Variants in FOXP1 observed in about 807,000 individuals in gnomAD.
FOXP1 encodes forkhead box P1.
FOXP1 carries 15 observed loss-of-function variants against 98.2 expected under a neutral mutation model. The ratio of observed to expected loss-of-function variants is 0.15; its 90% CI spans 0.10 to 0.24. FOXP1 has a LOEUF of 0.24. Ranked by LOEUF, FOXP1 falls within the 10% of genes least tolerant of loss-of-function variation. The pLI is 1.00. For synonymous variants in FOXP1, 371 were observed against 314.5 expected, an observed-to-expected ratio of 1.18 and a Z score of -1.90; for missense variants, 633 against 848.5, an observed-to-expected ratio of 0.75 and a Z score of 3.15.
At chr3:71,145,352 C>T (rs751730869) in intron 6 of FOXP1, among the ~76,000 whole-genome samples, 17 of 151,864 alleles carry the variant, frequency 1.1e-4, no homozygotes, top group Non-Finnish European at 2.2e-4. Context: ...GCCTGGCCAA[C>T]ATAGTGAAGC....
chr3:71,581,783 T>C, intron 1 of FOXP1, 86 bp from the exon 2 acceptor site: 1 of 985,380 alleles, frequency 1.0e-6, no homozygotes, highest in Non-Finnish European at 1.2e-6. Context: ...GACGGGTGAG[T>C]AGGCCGAGGG....
chr3:71,110,279 A>C (rs1371698045), intron 7 of FOXP1, among the ~76,000 whole-genome samples: 5 of 152,322 alleles, frequency 3.3e-5, no homozygotes, highest in Non-Finnish European at 4.4e-5. Flanking sequence ...ATGAGGGAAA[A>C]TAATTCTACC....
intron 7 of FOXP1, among the ~76,000 whole-genome samples, chr3:71,099,227 T>A (rs867358591): frequency 2.6e-5 from 4 of 152,292 alleles, no homozygotes; most frequent in Middle Eastern, 3.4e-3. Context: ...AAACAGCTTT[T>A]AGGTTGCACA....
intron 5 of FOXP1, among the ~76,000 whole-genome samples, chr3:71,298,710 C>G (rs1295116944): frequency 6.6e-6 from 1 of 152,046 alleles, no homozygotes; most frequent in Non-Finnish European, 1.5e-5. Flanking sequence ...ATTAAATGTG[C>G]CAGAATGCAA....
intron 3 of FOXP1, among the ~76,000 whole-genome samples, chr3:71,487,650 A>T (rs1031931210): frequency 6.6e-6 from 1 of 152,248 alleles, no homozygotes; most frequent in African/African-American, 2.4e-5. Flanking sequence ...TATAAAATCG[A>T]AAGTGTGTCA....
intron 7 of FOXP1, among the ~76,000 whole-genome samples, chr3:71,076,147 G>A (rs2053786643): frequency 6.6e-6 from 1 of 152,146 alleles, no homozygotes; most frequent in Non-Finnish European, 1.5e-5. Context: ...GTTACTCACG[G>A]TGGAGCCTGT....
intron 3 of FOXP1, among the ~76,000 whole-genome samples, chr3:71,473,313 A>G (rs1025115194): frequency 6.6e-6 from 1 of 152,168 alleles, no homozygotes; most frequent in African/African-American, 2.4e-5. Context: ...CTCCAGTACT[A>G]TGGCCCAATA....
At chr3:71,110,332 T>G (rs2057808276) in intron 7 of FOXP1, among the ~76,000 whole-genome samples, 1 of 152,246 alleles carries the variant, frequency 6.6e-6, no homozygotes, top group Non-Finnish European at 1.5e-5. Flanking sequence ...AAGAGCAGTG[T>G]GATCAGACAG....
chr3:71,409,206 C>T (rs1311792950), intron 3 of FOXP1, among the ~76,000 whole-genome samples: 3 of 152,150 alleles, frequency 2.0e-5, no homozygotes, highest in Admixed American at 6.5e-5. Flanking sequence ...AAAAACAGCA[C>T]ATTCCTCACC....
chr3:71,324,531 C>A (rs2075571809), intron 4 of FOXP1, among the ~76,000 whole-genome samples: 1 of 151,956 alleles, frequency 6.6e-6, no homozygotes, highest in Non-Finnish European at 1.5e-5. Context: ...AAACCAAATG[C>A]TGCATGTTCT....
chr3:71,368,778 C>T (rs1215823086), intron 3 of FOXP1, among the ~76,000 whole-genome samples: 1 of 152,166 alleles, frequency 6.6e-6, no homozygotes, highest in Non-Finnish European at 1.5e-5. Flanking sequence ...GGCAGCACTT[C>T]TAAGCCCATG....
chr3:71,031,882 G>A (rs1447434782), intron 11 of FOXP1, among the ~76,000 whole-genome samples: 1 of 152,220 alleles, frequency 6.6e-6, no homozygotes, highest in East Asian at 1.9e-4. Flanking sequence ...GTGGATGTGT[G>A]TTTTTAACTG....
rs188600084 is a variant in FOXP1 at position 71,185,408 on chromosome 3, G to C, written c.180+12794C>G. ...AATTGAGCAAATGCCTTCGAATTTG[G>C]CAACTATTTTTAAATTAGGTATTAT... is the stretch of plus-strand genomic sequence containing the variant. On this transcript the variant is annotated intron_variant, in intron 6 of 20. Coordinates refer to ENST00000649528, the MANE Select transcript of FOXP1 (RefSeq NM_001349338.3). Among the ~76,000 whole-genome samples the C allele has an allele frequency of 5.1e-3, 778 of 152,230 alleles. 1 individual carries two copies. The highest frequency in any genetic ancestry group is 0.017 in the Middle Eastern group (5 of 294).
chr3:71,477,695 C>A (rs1056044806), intron 3 of FOXP1, among the ~76,000 whole-genome samples: 4 of 152,104 alleles, frequency 2.6e-5, no homozygotes, highest in African/African-American at 9.7e-5. Context: ...CTAAGGTAAC[C>A]ATGACACCTA....
At chr3:71,406,223 G>C (rs1274142838) in intron 3 of FOXP1, among the ~76,000 whole-genome samples, 3 of 151,936 alleles carry the variant, frequency 2.0e-5, no homozygotes, top group African/African-American at 7.3e-5. Context: ...CTGGAGATCA[G>C]AAGTCTCAGA....
chr3:71,102,777 G>A (rs1321290574), intron 7 of FOXP1, among the ~76,000 whole-genome samples: 1 of 152,132 alleles, frequency 6.6e-6, no homozygotes, highest in Non-Finnish European at 1.5e-5. Flanking sequence ...CCCTGTTTGC[G>A]GGGCCCAGGT....
intron 7 of FOXP1, chr3:71,064,702 A>G (rs1328505675): frequency 1.3e-5 from 9 of 674,360 alleles, no homozygotes; most frequent in Non-Finnish European, 1.6e-5. Context: ...TGATTTTTTA[A>G]AAGACTCAAC....
chr3:71,363,041 A>G (rs73117167), intron 3 of FOXP1, among the ~76,000 whole-genome samples: 138 of 151,948 alleles, frequency 9.1e-4, no homozygotes, highest in Admixed American at 2.4e-3. Flanking sequence ...TTAAATTTCT[A>G]TTTTGGTGTG....
intron 5 of FOXP1, among the ~76,000 whole-genome samples, chr3:71,212,425 A>G (rs912408820): frequency 3.3e-5 from 5 of 152,210 alleles, no homozygotes; most frequent in Admixed American, 1.3e-4. Flanking sequence ...TGCTAAAGAC[A>G]TAATCAACCA....
Sources: allele counts gnomAD v4.1 joint callset (sites outside exome capture counted in the v4.1 genomes callset), GRCh38; gene constraint gnomAD v4.1.1; transcripts MANE v1.5; gene names NCBI Gene and HGNC (gene_info 2026-07-23, HGNC 2026-07-21).